The following SMYD3 variants were observed in gnomAD, a reference collection of about 807,000 sequenced individuals.
SMYD3 encodes the protein SET and MYND domain containing 3, also known as histone-lysine N-methyltransferase SMYD3.
A neutral mutation model predicts 57.7 loss-of-function variants in SMYD3; 36 were observed. The observed-to-expected ratio is 0.62, with a 90% CI of 0.48 to 0.82. The LOEUF (loss-of-function observed/expected upper bound fraction) is 0.82. Among genes scored for constraint, SMYD3 ranks in the 40% least tolerant of loss-of-function variants. The pLI is 0.00. For missense variants in SMYD3, 515 were observed against 538.8 expected, an observed-to-expected ratio of 0.96 and a Z score of 0.44; for synonymous variants, 211 against 195.0, an observed-to-expected ratio of 1.08 and a Z score of -0.68.
At chr1:246,057,812 C>T (rs1409357207) in intron 5 of SMYD3, among the ~76,000 whole-genome samples, 1 of 152,216 alleles carries the variant, frequency 6.6e-6, no homozygotes, top group African/African-American at 2.4e-5. Context: ...ATACTGACAG[C>T]AGCTTTATTC....
chr1:245,822,239 C>G (rs1298427736), intron 10 of SMYD3, among the ~76,000 whole-genome samples: 1 of 151,818 alleles, frequency 6.6e-6, no homozygotes, highest in Non-Finnish European at 1.5e-5. Context: ...GAGTTCATGT[C>G]CTTTGTAGGG....
chr1:246,384,421 A>G (rs2148756968), intron 1 of SMYD3, among the ~76,000 whole-genome samples: 1 of 151,988 alleles, frequency 6.6e-6, no homozygotes, highest in South Asian at 2.1e-4. Flanking sequence ...TTTGAGACAG[A>G]GTCTCACTCT....
At chr1:245,982,599 T>C (rs1377205476) in intron 5 of SMYD3, among the ~76,000 whole-genome samples, 1 of 152,248 alleles carries the variant, frequency 6.6e-6, no homozygotes, top group Non-Finnish European at 1.5e-5. Flanking sequence ...TCAGGTTTTG[T>C]TTTGTTTTTT....
intron 5 of SMYD3, among the ~76,000 whole-genome samples, chr1:245,937,845 C>T (rs1160665541): frequency 2.0e-5 from 3 of 152,192 alleles, no homozygotes; most frequent in African/African-American, 7.2e-5. Flanking sequence ...CCCAGCAGTA[C>T]CAGGACGCCT....
At chr1:246,457,553 AG>A (rs1404923911) in intron 1 of SMYD3, among the ~76,000 whole-genome samples, 169 of 94,754 alleles carry the variant, frequency 1.8e-3, no homozygotes, top group African/African-American at 5.9e-3. Context: ...AAAAAAGAAA[AG>A]AAAAGAAAAG....
At chr1:246,295,080 A>G (rs1484048618) in intron 5 of SMYD3, among the ~76,000 whole-genome samples, 1 of 152,152 alleles carries the variant, frequency 6.6e-6, no homozygotes, top group African/African-American at 2.4e-5. Flanking sequence ...CTCCTTTGTT[A>G]AAACAAGCTT....
chr1:246,329,048 C>T (rs1200671076), intron 4 of SMYD3, among the ~76,000 whole-genome samples: 1 of 152,158 alleles, frequency 6.6e-6, no homozygotes, highest in African/African-American at 2.4e-5. Context: ...GCATAGTATT[C>T]CATGGTGTAT....
At chr1:246,190,621 A>AGTAGGGGAG (rs2062721844) in intron 5 of SMYD3, among the ~76,000 whole-genome samples, 1 of 150,920 alleles carries the variant, frequency 6.6e-6, no homozygotes, top group African/African-American at 2.4e-5. Flanking sequence ...AAGCATGGGA[A>AGTAGGGGAG]GTAGGGGAGT....
At chr1:246,376,589 T>G (rs1162554662) in intron 1 of SMYD3, among the ~76,000 whole-genome samples, 1 of 85,176 alleles carries the variant, frequency 1.2e-5, no homozygotes. Context: ...ACACTCCATC[T>G]AAAAAAAAAA....
intron 5 of SMYD3, chr1:245,953,497 T>A (rs1227246798): frequency 2.0e-5 from 6 of 295,214 alleles, no homozygotes; most frequent in Non-Finnish European, 2.6e-5. Flanking sequence ...CTCGGCTCAC[T>A]GCAAGCTCCG....
intron 5 of SMYD3, among the ~76,000 whole-genome samples, chr1:246,273,778 T>G (rs2064277053): frequency 6.6e-6 from 1 of 151,618 alleles, no homozygotes. Flanking sequence ...AGAGACAGGG[T>G]TTCACCATGT....
chr1:246,416,421 G>C (rs1437199642), intron 1 of SMYD3, among the ~76,000 whole-genome samples: 1 of 152,030 alleles, frequency 6.6e-6, no homozygotes, highest in Non-Finnish European at 1.5e-5. Context: ...TACTTGATTA[G>C]TATTCACCAC....
intron 2 of SMYD3, among the ~76,000 whole-genome samples, chr1:246,339,915 C>G (rs868235418): frequency 1.8e-4 from 28 of 152,344 alleles, no homozygotes; most frequent in Middle Eastern, 6.8e-3. Context: ...ATCCCTCAAC[C>G]TTGGACTTCC....
chr1:246,185,284 C>CTGGAGTG (rs2062614200), intron 5 of SMYD3, among the ~76,000 whole-genome samples: 1 of 151,928 alleles, frequency 6.6e-6, no homozygotes, highest in Non-Finnish European at 1.5e-5. Flanking sequence ...ATCCCCCAGG[C>CTGGAGTG]TGGAGTGCAG....
At chr1:245,814,329 T>G (rs1248436845) in intron 10 of SMYD3, 1 of 975,846 alleles carries the variant, frequency 1.0e-6, no homozygotes, top group Non-Finnish European at 1.2e-6. Flanking sequence ...TATAAGAAAA[T>G]TAAGGTAGAT....
chr1:245,794,746 C>G (rs994022910), intron 10 of SMYD3, among the ~76,000 whole-genome samples: 2 of 152,142 alleles, frequency 1.3e-5, no homozygotes, highest in Non-Finnish European at 2.9e-5. Context: ...AAATTCCTCA[C>G]CACTATCTCT....
Position 246,049,934 on chromosome 1 carries a change from A to C in SMYD3, c.532-119997T>G, listed in dbSNP as rs552615815. Among the ~76,000 whole-genome samples the C allele has an allele frequency of 3.1e-4, 47 of 152,326 alleles. 1 individual carries two copies. Among genetic ancestry groups the C allele is most frequent in the African/African-American group, 1.1e-3 (45 of 41,574 alleles). On this transcript the variant is annotated intron_variant, in intron 5 of 11. Transcript: ENST00000490107. ...GGTTTCCACCAAGATAAAATATACA[A>C]ATTTTTCAATAGACGTAGTAAATAC...
intron 5 of SMYD3, among the ~76,000 whole-genome samples, chr1:246,064,689 C>A (rs1421510289): frequency 6.6e-6 from 1 of 152,222 alleles, no homozygotes; most frequent in African/African-American, 2.4e-5. Context: ...ACAAATTGTT[C>A]ATGTCCAATA....
At chr1:246,243,379 T>G (rs1215719046) in intron 5 of SMYD3, among the ~76,000 whole-genome samples, 1 of 114,836 alleles carries the variant, frequency 8.7e-6, no homozygotes. Flanking sequence ...TTTTTGACTT[T>G]TTTAAATCAT....
Sources: gnomAD v4.1 joint callset for allele counts (sites outside exome capture counted in the v4.1 genomes callset) on GRCh38, gnomAD v4.1.1 for gene constraint, MANE v1.5 for transcripts, NCBI Gene and HGNC (gene_info 2026-07-23, HGNC 2026-07-21) for gene names.